The following HTR4 variants were observed in gnomAD, a reference collection of about 807,000 sequenced individuals.
HTR4 encodes the protein 5-hydroxytryptamine receptor 4, also known as 5-hydroxytryptamine (serotonin) receptor 4, G protein-coupled.
In HTR4, 16 loss-of-function variants were observed where a neutral mutation model predicts 36.8. That is an observed-to-expected ratio of 0.43 (90% confidence interval 0.29 to 0.66). HTR4 has a LOEUF of 0.66. Ranked by LOEUF, HTR4 falls within the 30% of genes least tolerant of loss-of-function variation. The probability of loss-of-function intolerance (pLI) is 0.13; values close to 1 mark genes in which losing one functional copy is unlikely to be tolerated. For missense variants in HTR4, 438 were observed against 490.9 expected, an observed-to-expected ratio of 0.89 and a Z score of 1.02; for synonymous variants, 189 against 185.1, an observed-to-expected ratio of 1.02 and a Z score of -0.17.
intron 6 of HTR4, among the ~76,000 whole-genome samples, chr5:148,504,792 T>C (rs12234014): frequency 0.073 from 11,153 of 151,992 alleles, 579 homozygotes; most frequent in East Asian, 0.25. Flanking sequence ...ATAGACGCAA[T>C]AAAAAATGAT....
intron 2 of HTR4, among the ~76,000 whole-genome samples, chr5:148,569,537 TA>T (rs1284449613): frequency 4.6e-5 from 7 of 151,878 alleles, no homozygotes; most frequent in African/African-American, 1.7e-4. Context: ...CTTTTTAAAT[TA>T]AAAAAATCTT....
chr5:148,610,110 C>T (rs1054336717), intron 2 of HTR4, among the ~76,000 whole-genome samples: 1 of 152,166 alleles, frequency 6.6e-6, no homozygotes, highest in African/African-American at 2.4e-5. Context: ...CATTGCTCAT[C>T]ACAACTATCT....
At chr5:148,600,547 C>T (rs2127268058) in intron 2 of HTR4, among the ~76,000 whole-genome samples, 1 of 151,476 alleles carries the variant, frequency 6.6e-6, no homozygotes, top group Non-Finnish European at 1.5e-5. Flanking sequence ...AAGATCAACA[C>T]ACAAAAAGCA....
At chr5:148,600,105 T>C (rs893163287) in intron 2 of HTR4, among the ~76,000 whole-genome samples, 3 of 151,116 alleles carry the variant, frequency 2.0e-5, no homozygotes, top group African/African-American at 4.8e-5. Context: ...AAATAAAAAT[T>C]ACCATACTAG....
chr5:148,649,720 T>C (rs1753978393), intron 1 of HTR4, among the ~76,000 whole-genome samples: 1 of 146,948 alleles, frequency 6.8e-6, no homozygotes, highest in African/African-American at 2.4e-5. Flanking sequence ...AGGCAAAGCT[T>C]AGATGCTTAG....
chr5:148,483,015 C>G lies in HTR4; in HGVS notation c.*188G>C. On this transcript the variant is annotated 3_prime_UTR_variant, in exon 7 of 7. Transcript: ENST00000377888. The stretch of plus-strand genomic sequence containing the variant: ...AAGTGAACAAGGAGGCCATTATGTC[C>G]CCTGACTCCCTCCAGCGCCACCTGC... 1 of 1,445,770 alleles carries G rather than the reference C, an allele frequency of 6.9e-7. No individual in the cohort carries two copies. Among genetic ancestry groups the G allele is most frequent in the Non-Finnish European group, 9.1e-7 (1 of 1,096,916 alleles). 89.6% of individuals were successfully genotyped at this position (1,445,770 alleles called of 1,614,324 possible). A position where few individuals can be genotyped will look rare whatever the true frequency, so the allele number is the denominator to read the frequency against.
At chr5:148,457,082 C>A (rs1336756978) in intron 5 of HTR4, among the ~76,000 whole-genome samples, 1 of 152,118 alleles carries the variant, frequency 6.6e-6, no homozygotes, top group East Asian at 1.9e-4. Context: ...TAATAGCCCC[C>A]CTCTGCCTGC....
At chr5:148,554,345 G>A (rs933494425) in intron 2 of HTR4, among the ~76,000 whole-genome samples, 3 of 152,128 alleles carry the variant, frequency 2.0e-5, no homozygotes, top group Non-Finnish European at 4.4e-5. Flanking sequence ...AAAGTGCTGG[G>A]ATTACAGGCA....
Position 148,509,815 on chromosome 5 carries a change from C to T in HTR4, c.717G>A (p.Arg239=), listed in dbSNP as rs369020137. The T allele has an allele frequency of 7.4e-6, 12 of 1,613,996 alleles. No individual in the cohort carries two copies. The highest frequency in any genetic ancestry group is 8.5e-6 in the Non-Finnish European group (10 of 1,179,994). ...LQRAGASSES[R]PQSADQHSTH... ...TGCTATGCTGGTCTGCCGACTGAGGCCTGCTCTCGGAGGAGGCTCCTGCCC... is the reference window on the plus strand; with the variant it reads ...TGCTATGCTGGTCTGCCGACTGAGGTCTGCTCTCGGAGGAGGCTCCTGCCC... Residue 239 remains arginine, a synonymous_variant, in exon 6 of 7, where the codon AGG becomes AGA. Transcript: ENST00000377888.
At chr5:148,601,578 A>G (rs1581530335) in intron 2 of HTR4, among the ~76,000 whole-genome samples, 1 of 152,144 alleles carries the variant, frequency 6.6e-6, no homozygotes, top group South Asian at 2.1e-4. Flanking sequence ...AGAGGGGTGG[A>G]TATCTTGAGC....
At chr5:148,624,036 G>A (rs1000680565) in intron 2 of HTR4, among the ~76,000 whole-genome samples, 1 of 152,152 alleles carries the variant, frequency 6.6e-6, no homozygotes, top group Non-Finnish European at 1.5e-5. Flanking sequence ...CTGACTCAGT[G>A]ACCTAAGGTA....
chr5:148,588,791 C>T (rs1484758402), intron 2 of HTR4, among the ~76,000 whole-genome samples: 1 of 151,272 alleles, frequency 6.6e-6, no homozygotes, highest in Non-Finnish European at 1.5e-5. Context: ...CCACCCGCCT[C>T]GGCCTCCCAA....
chr5:148,498,491 G>A (rs1756785787), intron 6 of HTR4, among the ~76,000 whole-genome samples: 1 of 152,096 alleles, frequency 6.6e-6, no homozygotes, highest in Non-Finnish European at 1.5e-5. Flanking sequence ...TCAATCAATT[G>A]ATCATCTACT....
intron 5 of HTR4, among the ~76,000 whole-genome samples, chr5:148,464,532 A>T (rs1027192469): frequency 1.3e-5 from 2 of 152,200 alleles, no homozygotes; most frequent in African/African-American, 2.4e-5. Context: ...GATGGAGATG[A>T]GACACCACTA....
chr5:148,591,255 G>C (rs752082741), intron 2 of HTR4, among the ~76,000 whole-genome samples: 1 of 152,110 alleles, frequency 6.6e-6, no homozygotes, highest in Non-Finnish European at 1.5e-5. Flanking sequence ...TTTGAAGTGA[G>C]TAACATTACG....
rs201736104 is a variant in HTR4 at position 148,482,422 on chromosome 5, C to G, written c.*781G>C. 8 of 985,504 alleles carry G rather than the reference C, an allele frequency of 8.1e-6. No individual in the cohort carries two copies. The highest frequency in any genetic ancestry group is 1.7e-5 in the African/African-American group (1 of 57,230). The allele number at this position is 985,504 out of a possible 1,614,324, so 61.0% of individuals were successfully genotyped here. On this transcript the variant is annotated 3_prime_UTR_variant, in exon 7 of 7. Transcript: ENST00000377888. ...GAGCATCTCAGGGCAGACACGCCAG[C>G]GGCCAGGACACCAGGAGGAAGCTAT...
chr5:148,628,522 C>G lies in HTR4; in HGVS notation c.26+8467G>C, dbSNP rs1432799839. On this transcript the variant is annotated intron_variant, in intron 2 of 6. Coordinates refer to ENST00000377888, the MANE Select transcript of HTR4 (RefSeq NM_000870.7). ...TGTCATGGTTGAGTGACATTTTAAT[C>G]TAAATTATATATACCTTAGGAGATA... 6 of 152,206 alleles carry G rather than the reference C, an allele frequency of 3.9e-5. No individual in the cohort carries two copies. In the East Asian group the frequency reaches 9.6e-4, roughly 24 times the overall value. The allele number at this position is 152,206 out of a possible 1,614,324, so 9.4% of individuals were successfully genotyped here. A position where few individuals can be genotyped will look rare whatever the true frequency, so the allele number is the denominator to read the frequency against.
At position 148,501,614 on chromosome 5, in the gene HTR4, G is replaced by A. The variant is rs79578878; in HGVS notation, c.1076+7842C>T. On this transcript the variant is annotated intron_variant, in intron 6 of 6. Transcript: ENST00000377888. ...TATCAGACAATATGTAGAGTATTTG[G>A]TATACGGCAGTGAATAAAATAGGCA... Among the ~76,000 whole-genome samples, 373 of 152,256 alleles carry A rather than the reference G, an allele frequency of 2.4e-3. 1 individual carries two copies. Among genetic ancestry groups the A allele is most frequent in the Non-Finnish European group, 2.1e-3 (141 of 68,014 alleles).
chr5:148,614,434 G>T (rs1752577178), intron 2 of HTR4, among the ~76,000 whole-genome samples: 1 of 152,180 alleles, frequency 6.6e-6, no homozygotes, highest in South Asian at 2.1e-4. Context: ...AATGGGGAAG[G>T]ATTCCCTATT....
Sources: allele counts gnomAD v4.1 joint callset (sites outside exome capture counted in the v4.1 genomes callset), GRCh38; gene constraint gnomAD v4.1.1; transcripts MANE v1.5; gene names NCBI Gene and HGNC (gene_info 2026-07-23, HGNC 2026-07-21).